Variants in EFEMP2 observed in about 807,000 individuals in gnomAD.
EFEMP2 encodes the protein EGF-containing fibulin-like extracellular matrix protein 2.
EFEMP2 carries 21 observed loss-of-function variants against 55.3 expected under a neutral mutation model. The ratio of observed to expected loss-of-function variants is 0.38; its 90% CI spans 0.27 to 0.55. The LOEUF is 0.55. Ranked by LOEUF, EFEMP2 falls within the 20% of genes least tolerant of loss-of-function variation. EFEMP2 has a pLI of 0.77. For missense variants in EFEMP2, 513 were observed against 615.1 expected (o/e 0.83, Z 1.76); for synonymous variants, 275 against 242.3 (o/e 1.14, Z -1.25).
rs577950376 is a variant in EFEMP2 at position 65,869,979 on chromosome 11, G to C, written c.608-3C>G. 1.2e-6 allele frequency: 2 copies of C among 1,613,754 alleles called. No individual in the cohort carries two copies. The highest frequency in any genetic ancestry group is 2.2e-5 in the East Asian group (1 of 44,884). ...CCCCATGTCACACTCGTTCACATCTGGGGGTGCCAGGAAAAACAGGAGGGA... is the reference window on the plus strand; with the variant it reads ...CCCCATGTCACACTCGTTCACATCTCGGGGTGCCAGGAAAAACAGGAGGGA... On this transcript the variant is annotated splice_region_variant and splice_polypyrimidine_tract_variant and intron_variant, in intron 6 of 10. Transcript: ENST00000307998.
chr11:65,867,601 T>G, intron 10 of EFEMP2: 2 of 523,786 alleles, frequency 3.8e-6, no homozygotes, highest in Non-Finnish European at 6.9e-6. Flanking sequence ...ATTCCCTTGG[T>G]TTGTGGGTGA....
At chr11:65,870,771 G>T in intron 4 of EFEMP2, 113 bp from the exon 5 acceptor site, 1 of 1,535,120 alleles carries the variant, frequency 6.5e-7, no homozygotes, top group Non-Finnish European at 8.9e-7. Flanking sequence ...GAGTTCACCA[G>T]CCTGGAGCCA....
intron 7 of EFEMP2, 168 bp downstream of exon 7, chr11:65,869,689 T>G (rs1859929506): frequency 1.0e-6 from 1 of 999,260 alleles, no homozygotes; most frequent in Non-Finnish European, 1.6e-6. Flanking sequence ...CCTCCCCCAC[T>G]AGCCTGGGAG....
chr11:65,871,426 C>T, intron 3 of EFEMP2, 63 bp from the exon 4 acceptor site: 1 of 1,506,740 alleles, frequency 6.6e-7, no homozygotes, highest in Non-Finnish European at 9.2e-7. Flanking sequence ...GGAGCGGAGG[C>T]AGGAACCCAG....
chr11:65,872,071 G>A, intron 2 of EFEMP2, 53 bp from the exon 3 acceptor site: 1 of 1,549,648 alleles, frequency 6.5e-7, no homozygotes, highest in Non-Finnish European at 8.7e-7. Context: ...CCTCCAACTG[G>A]CCAGGCCAAG....
In EFEMP2 at chr11:65,872,031, C is replaced by G; in HGVS notation, c.112-13G>C. 5 of 1,551,582 alleles carry G rather than the reference C, an allele frequency of 3.2e-6. No individual in the cohort carries two copies. In the South Asian group the frequency reaches 5.9e-5, roughly 18 times the overall value. ...CATCTGTGCATTCCTGGAAGGGAACCAGAAGTGGCCAGTGGTCACCCTAAG... is the reference window on the plus strand; with the variant it reads ...CATCTGTGCATTCCTGGAAGGGAACGAGAAGTGGCCAGTGGTCACCCTAAG... On this transcript the variant is annotated splice_polypyrimidine_tract_variant and intron_variant, in intron 2 of 10. Transcript: ENST00000307998.
intron 4 of EFEMP2, 84 bp downstream of exon 4, chr11:65,871,073 T>G: frequency 9.3e-6 from 14 of 1,506,378 alleles, no homozygotes; most frequent in South Asian, 2.3e-5. Flanking sequence ...GTGGCCCTTT[T>G]GAGCTGGGGA....
chr11:65,868,317 G>C lies in EFEMP2; in HGVS notation c.952C>G (p.Pro318Ala). 5.6e-6 allele frequency: 9 copies of C among 1,613,774 alleles called. No homozygotes were observed. The highest frequency in any genetic ancestry group is 7.6e-6 in the Non-Finnish European group (9 of 1,180,028). ...CACTTCTCAGAGACCTGGATGTAGG[G>C]CTCCACGCAGCGGTTGGTGTCCACG... ...RCVDTNRCVE[P>A]YIQVSENRCL... Residue 318 changes from proline to alanine, a missense_variant, in exon 9 of 11, where the codon CCC becomes GCC. By Grantham distance (27) the Pro-to-Ala change is conservative. Transcript: ENST00000307998.
intron 7 of EFEMP2, chr11:65,869,050 C>A (rs1859917469): frequency 3.4e-6 from 1 of 294,150 alleles, no homozygotes; most frequent in Non-Finnish European, 6.6e-6. Context: ...TAACTGTGAG[C>A]TTCACAGGCA....
intron 10 of EFEMP2, 141 bp downstream of exon 10, chr11:65,867,720 T>G (rs969351321): frequency 2.1e-5 from 18 of 871,914 alleles, no homozygotes; most frequent in African/African-American, 3.3e-5. Flanking sequence ...AGTACCCCCG[T>G]CTTCCTGCAG....
At chr11:65,870,808 A>C in intron 4 of EFEMP2, 150 bp from the exon 5 acceptor site, 1 of 1,111,088 alleles carries the variant, frequency 9.0e-7, no homozygotes, top group Non-Finnish European at 1.3e-6. Context: ...TAACCTCTAA[A>C]ACCACATGTT....
chr11:65,870,815 T>A lies in EFEMP2; in HGVS notation c.368-157A>T, dbSNP rs186044528. On this transcript the variant is annotated intron_variant, in intron 4 of 10. Transcript: ENST00000307998. ...GGCACCCCTAACCTCTAAAACCACA[T>A]GTTGGGGGTTGCACAGGAAATAAGG... is the stretch of plus-strand genomic sequence containing the variant. 3.7e-4 allele frequency: 378 copies of A among 1,013,914 alleles called. 3 individuals carry two copies. In the African/African-American group the frequency reaches 5.6e-3, roughly 15 times the overall value. 62.8% of individuals were successfully genotyped at this position (1,013,914 alleles called of 1,614,324 possible).
rs1161566620 is a variant in EFEMP2, at chr11:65,872,258, G to C, written c.97C>G (p.Pro33Ala). 4 of 1,551,246 alleles carry C rather than the reference G, an allele frequency of 2.6e-6. No individual in the cohort carries two copies. Among genetic ancestry groups the C allele is most frequent in the Non-Finnish European group, 3.5e-6 (4 of 1,146,802 alleles). ...GSASPQDSEEPDSYTECTDGY... is the reference protein window; with the variant it reads ...GSASPQDSEEADSYTECTDGY... Reference sequence around the variant, plus strand: ...ACTGTCCCCACCGTGTAGCTGTCGGGCTCTTCAGAATCCTGAGGAGAAGCT... The same window carrying C: ...ACTGTCCCCACCGTGTAGCTGTCGGCCTCTTCAGAATCCTGAGGAGAAGCT... The change falls in exon 2 of 11, where the codon CCC becomes GCC. Residue 33 changes from proline to alanine, a missense_variant. Coordinates refer to ENST00000307998, the MANE Select transcript of EFEMP2 (RefSeq NM_016938.5).
At chr11:65,867,649 T>C (rs749426147) in intron 10 of EFEMP2, 68 of 625,076 alleles carry the variant, frequency 1.1e-4, no homozygotes, top group Non-Finnish European at 1.5e-4. Flanking sequence ...GTACCAGGAC[T>C]CAAACTCCCG....
intron 7 of EFEMP2, 132 bp downstream of exon 7, chr11:65,869,725 T>C: frequency 1.4e-6 from 2 of 1,393,680 alleles, no homozygotes; most frequent in Non-Finnish European, 2.0e-6. Flanking sequence ...CGGGGTCGAG[T>C]ACCCAGGAGG....
At chr11:65,869,093 G>C (rs1198676001) in intron 7 of EFEMP2, 1 of 273,206 alleles carries the variant, frequency 3.7e-6, no homozygotes, top group African/African-American at 2.2e-5. Context: ...CCCTCATGCT[G>C]CCAGGTAGCA....
At chr11:65,872,559 G>T (rs1476211590) in intron 1 of EFEMP2, 124 bp downstream of exon 1, 1 of 356,278 alleles carries the variant, frequency 2.8e-6, no homozygotes, top group Admixed American at 5.8e-5. Flanking sequence ...CGGCCACCCC[G>T]CCCCCGCCCC....
Position 65,866,903 on chromosome 11 carries a change from GCTCCCT to G in EFEMP2, c.*9_*14del. 1 of 1,613,622 alleles carries G rather than the reference GCTCCCT, an allele frequency of 6.2e-7. No individual in the cohort carries two copies. Among genetic ancestry groups the G allele is most frequent in the East Asian group, 2.2e-5 (1 of 44,864 alleles). Reference sequence around the variant, plus strand: ...AGCTAGGGTAGCTGCAGGGAGGGTGGCTCCCTCCTGCTCCTCAGAAGGTGTAGGCCC... The same window carrying G: ...AGCTAGGGTAGCTGCAGGGAGGGTGGCCTGCTCCTCAGAAGGTGTAGGCCC... On this transcript the variant is annotated 3_prime_UTR_variant, in exon 11 of 11. Transcript: ENST00000307998.
intron 1 of EFEMP2, 131 bp downstream of exon 1, chr11:65,872,552 C>T: frequency 2.2e-6 from 1 of 451,822 alleles, no homozygotes; most frequent in Non-Finnish European, 3.9e-6. Flanking sequence ...CCCGCCCCGG[C>T]CACCCCGCCC....
Sources: allele counts gnomAD v4.1 joint callset, GRCh38; gene constraint gnomAD v4.1.1; transcripts MANE v1.5; gene names NCBI Gene and HGNC (gene_info 2026-07-23, HGNC 2026-07-21).